KRT79: variants seen among roughly 807,000 people sequenced by gnomAD.
KRT79 encodes the protein keratin 79, also known as keratin, type II cytoskeletal 79.
A neutral mutation model predicts 49.0 loss-of-function variants in KRT79; 51 were observed. That is an observed-to-expected ratio of 1.04 (90% CI 0.83 to 1.31). The LOEUF is 1.31. Among genes scored for constraint, KRT79 ranks in the 40% most tolerant of loss-of-function variants. KRT79 has a pLI of 0.00. For synonymous variants in KRT79, 312 were observed against 286.6 expected (o/e 1.09, Z -0.90); for missense variants, 728 against 688.0 (o/e 1.06, Z -0.65).
intron 5 of KRT79, 23 bp downstream of exon 5, chr12:52,824,175 C>T: frequency 6.2e-7 from 1 of 1,614,116 alleles, no homozygotes; most frequent in Non-Finnish European, 8.5e-7. Context: ...AGGCCTCACA[C>T]CTGAGCCAGC....
rs2120361443 is a variant in KRT79 at position 52,834,263 on chromosome 12, C to A, written c.-3G>T. ...TGCCGAGAGACGGAGGACCTCATAGCTGCAGAGGGGCCGGAGGGCAGGATG... is the reference window on the plus strand; with the variant it reads ...TGCCGAGAGACGGAGGACCTCATAGATGCAGAGGGGCCGGAGGGCAGGATG... On this transcript the variant is annotated 5_prime_UTR_variant, in exon 1 of 9. Coordinates refer to ENST00000330553, the MANE Select transcript of KRT79 (RefSeq NM_175834.3). 6.2e-7 allele frequency: 1 copy of A among 1,610,516 alleles called. No individual in the cohort carries two copies. The highest frequency in any genetic ancestry group is 1.1e-5 in the South Asian group (1 of 90,996).
At chr12:52,822,957 G>T (rs1940116184) in intron 7 of KRT79, 59 bp downstream of exon 7, 4 of 1,548,574 alleles carry the variant, frequency 2.6e-6, no homozygotes, top group South Asian at 2.3e-5. Flanking sequence ...AGACTCCCTG[G>T]GCTCTCCCCC....
intron 4 of KRT79, among the ~76,000 whole-genome samples, chr12:52,826,668 G>T (rs1411393953): frequency 6.6e-6 from 1 of 152,120 alleles, no homozygotes; most frequent in Non-Finnish European, 1.5e-5. Context: ...AGGGTAAAGG[G>T]AGCCAGCGGG....
rs750503956 is a variant in KRT79 at position 52,822,026 on chromosome 12, C to G, written c.1454G>C (p.Gly485Ala). Residue 485 changes from glycine (G) to alanine (A), a missense_variant, in exon 9 of 9, where the codon GGA (glycine) becomes GCA (alanine). By Grantham distance (60) the Gly-to-Ala change is moderately conservative. Transcript: ENST00000330553. ...ACTCCCACCCAGGGAGATGCCACCT[C>G]CAAAGCTGGCTGCGCCACCTCCGCA... is the stretch of plus-strand genomic sequence containing the variant. ...TVCGGGAASF[G>A]GGISLGGSGG... 6.2e-7 allele frequency: 1 copy of G among 1,614,142 alleles called. No homozygotes were observed. Among genetic ancestry groups the G allele is most frequent in the Non-Finnish European group, 8.5e-7 (1 of 1,180,048 alleles).
In KRT79 at chr12:52,830,287, T is replaced by A. The variant is rs1940234039; in HGVS notation, c.704A>T (p.Glu235Val). 2 of 1,614,208 alleles carry A rather than the reference T, an allele frequency of 1.2e-6. No individual in the cohort carries two copies. Residue 235 changes from glutamate (E) to valine (V), a missense_variant, in exon 3 of 9, where the codon GAG becomes GTG. Transcript: ENST00000330553. ...DLVEDFKNKY[E>V]DEINKHTAAE... ...AGCAGTGTGCTTGTTGATTTCATCC[T>A]CGTACCTGTTACACATGGGAGACTC...
At chr12:52,822,890 C>G in intron 7 of KRT79, 126 bp downstream of exon 7, 1 of 880,558 alleles carries the variant, frequency 1.1e-6, no homozygotes, top group Non-Finnish European at 1.7e-6. Flanking sequence ...GATTTTCCCC[C>G]CGCGTGAGTC....
chr12:52,822,217 C>T, intron 8 of KRT79, 128 bp downstream of exon 8: 1 of 1,287,070 alleles, frequency 7.8e-7, no homozygotes, highest in East Asian at 2.5e-5. Context: ...AACTAGGACC[C>T]TCTGAACCTG....
At chr12:52,823,506 T>C (rs1234346405) in intron 6 of KRT79, among the ~76,000 whole-genome samples, 2 of 152,322 alleles carry the variant, frequency 1.3e-5, no homozygotes, top group South Asian at 2.1e-4. Context: ...AACACAGCCT[T>C]ATTAGTAACC....
In KRT79 at chr12:52,823,196, C is replaced by A. The variant is rs758037432; in HGVS notation, c.1187G>T (p.Arg396Leu). 3.1e-6 allele frequency: 5 copies of A among 1,614,100 alleles called. No homozygotes were observed. Among genetic ancestry groups the A allele is most frequent in the East Asian group, 4.5e-5 (2 of 44,896 alleles). The stretch of plus-strand genomic sequence containing the variant: ...AGCATCCTTGAGTGCCAGCTCCCCA[C>A]GCTGCTCCGCTTCCGCAATGGCCGT... ...LQTAIAEAEQ[R>L]GELALKDAQK... Residue 396 changes from arginine (R) to leucine (L), a missense_variant, in exon 7 of 9, where the codon CGT becomes CTT. Arg to Leu is a moderately radical substitution (Grantham distance 102). Coordinates refer to ENST00000330553, the MANE Select transcript of KRT79 (RefSeq NM_175834.3).
chr12:52,826,902 C>T (rs1050653590), intron 4 of KRT79, among the ~76,000 whole-genome samples: 4 of 152,194 alleles, frequency 2.6e-5, no homozygotes, highest in South Asian at 2.1e-4. Context: ...AGCAACAGAA[C>T]AATTGTGCTG....
At chr12:52,822,523 G>C in intron 7 of KRT79, 144 bp from the exon 8 acceptor site, 1 of 653,676 alleles carries the variant, frequency 1.5e-6, no homozygotes, top group Non-Finnish European at 2.7e-6. Context: ...ATGTGTATAG[G>C]GCTGTGCCCA....
intron 6 of KRT79, 123 bp downstream of exon 6, chr12:52,823,764 G>A: frequency 8.5e-7 from 1 of 1,179,520 alleles, no homozygotes; most frequent in Non-Finnish European, 1.2e-6. Context: ...AGGAGCCTGT[G>A]ATCAATGGCC....
intron 2 of KRT79, 84 bp from the exon 3 acceptor site, chr12:52,830,376 G>A: frequency 8.8e-7 from 1 of 1,141,188 alleles, no homozygotes; most frequent in Non-Finnish European, 1.3e-6. Context: ...CAGAAGCCCT[G>A]ATGGGTCCCT....
rs754183871 is a variant in KRT79, at chr12:52,823,902, A to G, written c.1131T>C (p.Asp377=). Reference sequence around the variant, plus strand: ...AGAGTCCCACCTGCTTCTTGGCTGCATCAGCCTCCCCCTGCAGCCTCTGGA... The same window carrying G: ...AGAGTCCCACCTGCTTCTTGGCTGCGTCAGCCTCCCCCTGCAGCCTCTGGA... ...RTIQRLQGEA[D]AAKKQCQQLQ... The change falls in exon 6 of 9, where the codon GAT becomes GAC. Residue 377 remains aspartate, a synonymous_variant. Coordinates refer to ENST00000330553, the MANE Select transcript of KRT79 (RefSeq NM_175834.3). The G allele has an allele frequency of 3.5e-5, 57 of 1,613,414 alleles. No homozygotes were observed. Among genetic ancestry groups the G allele is most frequent in the Non-Finnish European group, 4.8e-5 (57 of 1,179,896 alleles).
chr12:52,821,899 C>A lies in KRT79; in HGVS notation c.1581G>T (p.Thr527=), dbSNP rs532176182. The change falls in exon 9 of 9, where the codon ACG becomes ACT. Residue 527 remains threonine (T), a synonymous_variant. Coordinates refer to ENST00000330553, the MANE Select transcript of KRT79 (RefSeq NM_175834.3). The stretch of plus-strand genomic sequence containing the variant: ...AATACCTCTGGCTGGACGTCTTGAC[C>A]GTAGTGGTCTTCCGCAGGATGGAGG... The part of the protein sequence containing the change: ...AGTSILRKTT[T]VKTSSQRY 2.5e-6 allele frequency: 4 copies of A among 1,614,110 alleles called. No individual in the cohort carries two copies. Among genetic ancestry groups the A allele is most frequent in the African/African-American group, 1.3e-5 (1 of 75,038 alleles).
At chr12:52,823,547 C>A (rs1316289280) in intron 6 of KRT79, among the ~76,000 whole-genome samples, 1 of 152,192 alleles carries the variant, frequency 6.6e-6, no homozygotes. Flanking sequence ...TGAAAGAACC[C>A]ACACTTTTTA....
intron 4 of KRT79, among the ~76,000 whole-genome samples, chr12:52,826,724 C>T (rs1333567483): frequency 6.6e-6 from 1 of 152,000 alleles, no homozygotes; most frequent in African/African-American, 2.4e-5. Context: ...ACAGATGCCC[C>T]AGGCCAGAGG....
chr12:52,824,492 A>T (rs780257092), intron 4 of KRT79, 130 bp from the exon 5 acceptor site: 164 of 851,264 alleles, frequency 1.9e-4, no homozygotes, highest in Non-Finnish European at 2.5e-4. Flanking sequence ...AGCCTAGAGC[A>T]AAGTAAGGAA....
chr12:52,822,041 C>A lies in KRT79; in HGVS notation c.1439G>T (p.Gly480Val), dbSNP rs1940097906. ...GATGCCACCTCCAAAGCTGGCTGCG[C>A]CACCTCCGCACACAGTGGTGGAGTT... ...TGNSTTVCGG[G>V]AASFGGGISL... Residue 480 changes from glycine to valine, a missense_variant, in exon 9 of 9, where the codon GGC (glycine) becomes GTC (valine). By Grantham distance (109) the Gly-to-Val change is moderately radical (BLOSUM62 -3). Coordinates refer to ENST00000330553, the MANE Select transcript of KRT79 (RefSeq NM_175834.3). 6.2e-7 allele frequency: 1 copy of A among 1,614,040 alleles called. No homozygotes were observed.
Sources: allele counts gnomAD v4.1 joint callset (sites outside exome capture counted in the v4.1 genomes callset), GRCh38; gene constraint gnomAD v4.1.1; transcripts MANE v1.5; gene names NCBI Gene and HGNC (gene_info 2026-07-23, HGNC 2026-07-21).